The following SV2C variants were observed in gnomAD, a reference collection of about 807,000 sequenced individuals.
The protein encoded by SV2C is synaptic vesicle glycoprotein 2C.
Under a neutral mutation model 79.7 loss-of-function variants are expected in SV2C, and 49 were observed. The ratio of observed to expected loss-of-function variants is 0.61; its 90% confidence interval spans 0.49 to 0.78. The LOEUF (loss-of-function observed/expected upper bound fraction) is 0.78, where lower values mean the gene tolerates loss of function less well. Ranked by LOEUF, SV2C falls within the 30% of genes least tolerant of loss-of-function variation. The probability of loss-of-function intolerance (pLI) is 0.00; values close to 1 mark genes in which losing one functional copy is unlikely to be tolerated. For synonymous variants in SV2C, 334 were observed against 333.2 expected, an observed-to-expected ratio of 1.00 and a Z score of -0.03; for missense variants, 833 against 912.9, an observed-to-expected ratio of 0.91 and a Z score of 1.13.
intron 3 of SV2C, among the ~76,000 whole-genome samples, chr5:76,199,429 C>T (rs1249996316): frequency 6.6e-6 from 1 of 152,212 alleles, no homozygotes; most frequent in African/African-American, 2.4e-5. Context: ...TCCCAGGGCC[C>T]TCCCACTCAC....
chr5:76,203,923 G>A (rs1220452860), intron 3 of SV2C, among the ~76,000 whole-genome samples: 8 of 152,206 alleles, frequency 5.3e-5, no homozygotes, highest in Non-Finnish European at 1.2e-4. Context: ...TTGATGATGA[G>A]TTAGGTTACC....
chr5:76,277,724 C>T (rs1456491619), intron 4 of SV2C, among the ~76,000 whole-genome samples: 4 of 151,230 alleles, frequency 2.6e-5, no homozygotes, highest in Admixed American at 6.6e-5. Context: ...CGCCACTGCA[C>T]GCCAGCCTGG....
chr5:76,349,182 A>G (rs1749600098), intron 12 of SV2C, among the ~76,000 whole-genome samples: 1 of 152,194 alleles, frequency 6.6e-6, no homozygotes, highest in South Asian at 2.1e-4. Flanking sequence ...TAAAGTATTT[A>G]GAACAGTGTC....
intron 4 of SV2C, among the ~76,000 whole-genome samples, chr5:76,223,654 G>T (rs1745158749): frequency 6.6e-6 from 1 of 151,374 alleles, no homozygotes; most frequent in Admixed American, 6.6e-5. Context: ...AACTTCTCTA[G>T]CTCCTCTCTT....
intron 4 of SV2C, among the ~76,000 whole-genome samples, chr5:76,254,222 G>A (rs1746200859): frequency 1.5e-5 from 2 of 129,826 alleles, no homozygotes; most frequent in African/African-American, 2.9e-5. Context: ...ATATGTGTGT[G>A]TATATATATG....
chr5:76,255,322 A>C (rs1746231498), intron 4 of SV2C, among the ~76,000 whole-genome samples: 1 of 152,184 alleles, frequency 6.6e-6, no homozygotes, highest in Non-Finnish European at 1.5e-5. Context: ...TCACAAACGC[A>C]TTCTGGTTAT....
the SV2C span, among the ~76,000 whole-genome samples, chr5:76,077,458 A>C: frequency 6.6e-6 from 1 of 152,342 alleles, no homozygotes; most frequent in South Asian, 2.1e-4. Flanking sequence ...CAAACAAACT[A>C]ATTTTTAAAA....
the SV2C span, among the ~76,000 whole-genome samples, chr5:75,932,254 A>C: frequency 1.3e-5 from 2 of 152,222 alleles, no homozygotes; most frequent in Non-Finnish European, 2.9e-5. Context: ...AGGCTTGGCC[A>C]ACTCTGGGCA....
chr5:76,091,244 T>C (rs969170166), intron 1 of SV2C, among the ~76,000 whole-genome samples: 2 of 152,234 alleles, frequency 1.3e-5, no homozygotes, highest in Non-Finnish European at 2.9e-5. Flanking sequence ...GTGTTTCCTG[T>C]TGGCCACATC....
intron 1 of SV2C, 120 bp from the exon 2 acceptor site, chr5:76,131,530 A>T: frequency 1.6e-5 from 5 of 320,190 alleles, no homozygotes; most frequent in East Asian, 5.1e-5. Flanking sequence ...AAAAAAAAAA[A>T]GGAAAAACTA....
chr5:76,006,393 T>A, the SV2C span, among the ~76,000 whole-genome samples: 3 of 152,186 alleles, frequency 2.0e-5, no homozygotes, highest in African/African-American at 7.2e-5. Context: ...GGTTTTTGTT[T>A]AGGCAATGTA....
In SV2C at chr5:76,301,536, C is replaced by G. The variant is rs372341328; in HGVS notation, c.1991C>G (p.Thr664Arg). 6.2e-7 allele frequency: 1 copy of G among 1,613,402 alleles called. No homozygotes were observed. Among genetic ancestry groups the G allele is most frequent in the Non-Finnish European group, 8.5e-7 (1 of 1,179,618 alleles). The change falls in exon 12 of 13, where the codon ACA (threonine) becomes AGA (arginine). Residue 664 changes from threonine to arginine, a missense_variant. Coordinates refer to ENST00000502798, the MANE Select transcript of SV2C (RefSeq NM_014979.4). ...LDVVTVELYP[T>R]DRRATGFGFL... ...GTGGTCACTGTGGAACTGTACCCCA[C>G]AGACCGGAGGTATGTTGAAATGGGC...
At chr5:75,916,405 T>C in the SV2C span, among the ~76,000 whole-genome samples, 1 of 128,446 alleles carries the variant, frequency 7.8e-6, no homozygotes, top group African/African-American at 2.9e-5. Flanking sequence ...CCCTTCCTCC[T>C]CCTCCTCCTC....
At chr5:76,156,539 TA>T (rs1344261354) in intron 2 of SV2C, among the ~76,000 whole-genome samples, 2 of 152,196 alleles carry the variant, frequency 1.3e-5, no homozygotes, top group South Asian at 2.1e-4. Context: ...GGTTAGGGGT[TA>T]GGGGGCATTA....
the SV2C span, among the ~76,000 whole-genome samples, chr5:76,073,547 A>C: frequency 7.4e-6 from 1 of 134,810 alleles, no homozygotes; most frequent in South Asian, 2.3e-4. Flanking sequence ...ATATATATAC[A>C]CCATGGAATA....
At chr5:76,253,409 G>A (rs1746171750) in intron 4 of SV2C, among the ~76,000 whole-genome samples, 1 of 152,040 alleles carries the variant, frequency 6.6e-6, no homozygotes, top group South Asian at 2.1e-4. Flanking sequence ...ATCTCCTTTG[G>A]ATCAAAACTA....
At chr5:76,135,826 G>C (rs571813098) in intron 2 of SV2C, among the ~76,000 whole-genome samples, 15 of 152,094 alleles carry the variant, frequency 9.9e-5, no homozygotes, top group African/African-American at 1.7e-4. Flanking sequence ...GGTTGTTGAG[G>C]GGGGCAGGTA....
At chr5:76,345,990 G>A (rs246808) in intron 12 of SV2C, among the ~76,000 whole-genome samples, 79,107 of 152,002 alleles carry the variant, frequency 0.52, 22,713 homozygotes, top group African/African-American at 0.77. Flanking sequence ...ATTTTTGTTC[G>A]CAATAAGCAA....
chr5:76,186,352 T>G (rs1323714149), intron 2 of SV2C, among the ~76,000 whole-genome samples: 1 of 152,190 alleles, frequency 6.6e-6, no homozygotes, highest in East Asian at 1.9e-4. Context: ...TATTAGTCCA[T>G]TCTCACACTG....
Sources: gnomAD v4.1 joint callset for allele counts (sites outside exome capture counted in the v4.1 genomes callset) on GRCh38, gnomAD v4.1.1 for gene constraint, MANE v1.5 for transcripts, NCBI Gene and HGNC (gene_info 2026-07-23, HGNC 2026-07-21) for gene names.